The following NUP155 variants were observed in gnomAD, a reference collection of about 807,000 sequenced individuals.
NUP155 encodes nucleoporin 155, also known as nuclear pore complex protein Nup155.
In NUP155, 71 loss-of-function variants were observed where a neutral mutation model predicts 180.4. The observed-to-expected ratio is 0.39, with a 90% CI of 0.33 to 0.48. The LOEUF is 0.48. Among genes scored for constraint, NUP155 ranks in the 20% least tolerant of loss-of-function variants. The pLI, the probability that NUP155 is intolerant of heterozygous loss-of-function variation, is 0.91. For synonymous variants in NUP155, 582 were observed against 559.5 expected (o/e 1.04, Z -0.57); for missense variants, 1,553 against 1,648.9 (o/e 0.94, Z 1.01).
chr5:37,340,978 A>G, intron 11 of NUP155, 112 bp downstream of exon 11: 1 of 894,712 alleles, frequency 1.1e-6, no homozygotes, highest in Non-Finnish European at 1.8e-6. Flanking sequence ...CCCTTCTAGT[A>G]GTTCCCAGTT....
chr5:37,295,990 C>T (rs1308735646), intron 32 of NUP155, among the ~76,000 whole-genome samples: 7 of 140,982 alleles, frequency 5.0e-5, no homozygotes, highest in Non-Finnish European at 7.8e-5. Context: ...GCCGCCCCAT[C>T]CGGGAGGGAG....
intron 3 of NUP155, among the ~76,000 whole-genome samples, chr5:37,363,122 G>T (rs543922096): frequency 1.8e-4 from 28 of 152,250 alleles, no homozygotes; most frequent in Middle Eastern, 3.4e-3. Flanking sequence ...ATGTTGGCCA[G>T]GCTGGTCTCG....
At chr5:37,336,297 A>C (rs1202901880) in intron 12 of NUP155, among the ~76,000 whole-genome samples, 1 of 152,120 alleles carries the variant, frequency 6.6e-6, no homozygotes, top group African/African-American at 2.4e-5. Flanking sequence ...TCTGGGCAAT[A>C]TAGTCAGACC....
intron 9 of NUP155, among the ~76,000 whole-genome samples, chr5:37,346,391 G>A (rs896142110): frequency 2.6e-5 from 4 of 152,210 alleles, no homozygotes; most frequent in African/African-American, 7.2e-5. Flanking sequence ...GTGTTTGCAG[G>A]TGGGGTGCAG....
chr5:37,321,508 A>G (rs938908983), intron 20 of NUP155, among the ~76,000 whole-genome samples: 3 of 152,044 alleles, frequency 2.0e-5, no homozygotes, highest in Non-Finnish European at 4.4e-5. Context: ...CACGAAGTCA[A>G]GAGATCGAGA....
chr5:37,299,572 T>G lies in NUP155; in HGVS notation c.3562-4A>C. Reference sequence around the variant, plus strand: ...GGTCAGCAAATTCCCCATAAAGCTGTGAGAGAAAATCCCAAAATTAACATC... The same window carrying G: ...GGTCAGCAAATTCCCCATAAAGCTGGGAGAGAAAATCCCAAAATTAACATC... On this transcript the variant is annotated splice_polypyrimidine_tract_variant and splice_region_variant and intron_variant, in intron 30 of 34. Coordinates refer to ENST00000231498, the MANE Select transcript of NUP155 (RefSeq NM_153485.3). 6.2e-7 allele frequency: 1 copy of G among 1,613,912 alleles called. No individual in the cohort carries two copies. Among genetic ancestry groups the G allele is most frequent in the South Asian group, 1.1e-5 (1 of 91,078 alleles).
chr5:37,294,025 A>AAAAT (rs1561762492), intron 33 of NUP155, among the ~76,000 whole-genome samples: 5 of 76,040 alleles, frequency 6.6e-5, no homozygotes, highest in East Asian at 5.2e-4. Flanking sequence ...AAAAAAAAAA[A>AAAAT]AAATAAAGCA....
Position 37,352,755 on chromosome 5 carries a change from A to C in NUP155, c.538T>G (p.Tyr180Asp). 1 of 1,613,202 alleles carries C rather than the reference A, an allele frequency of 6.2e-7. No individual in the cohort carries two copies. The highest frequency in any genetic ancestry group is 2.2e-5 in the East Asian group (1 of 44,864). ...PVDIVILGLSYANLQTGSGVL... is the reference protein window; with the variant it reads ...PVDIVILGLSDANLQTGSGVL... ...GCCATACCTGTTTGCAAATTAGCAT[A>C]GCTGAGTCCAAGAATTACTATGTCT... is the stretch of plus-strand genomic sequence containing the variant. The change falls in exon 5 of 35, where the codon TAT becomes GAT. Residue 180 changes from tyrosine (Y) to aspartate (D), a missense_variant. Transcript: ENST00000231498.
intron 9 of NUP155, 88 bp from the exon 10 acceptor site, chr5:37,342,734 C>T: frequency 1.1e-6 from 1 of 944,574 alleles, no homozygotes; most frequent in Non-Finnish European, 1.7e-6. Context: ...TTACATATTT[C>T]CATATTTTCC....
Position 37,333,614 on chromosome 5 carries a change from C to T in NUP155, c.1367G>A (p.Gly456Asp). The T allele has an allele frequency of 6.2e-7, 1 of 1,613,340 alleles. No individual in the cohort carries two copies. Among genetic ancestry groups the T allele is most frequent in the Non-Finnish European group, 8.5e-7 (1 of 1,179,520 alleles). The change falls in exon 13 of 35, where the codon GGT becomes GAT. Residue 456 changes from glycine (G) to aspartate (D), a missense_variant. Physicochemically the swap from Gly to Asp is moderately conservative, Grantham distance 94 (BLOSUM62 -1). Coordinates refer to ENST00000231498, the MANE Select transcript of NUP155 (RefSeq NM_153485.3). The stretch of plus-strand genomic sequence containing the variant: ...TATCGCAGAAAGAGCCCAGGAATGA[C>T]CATCAACACCAGCTGTCATCTATGT... ...METQMTAGVD[G>D]HSWALSAIDE...
At chr5:37,344,460 T>G (rs1292743632) in intron 9 of NUP155, among the ~76,000 whole-genome samples, 2 of 149,732 alleles carry the variant, frequency 1.3e-5, no homozygotes, top group Non-Finnish European at 3.0e-5. Flanking sequence ...GAAATTTGTA[T>G]AATTATCCTG....
intron 1 of NUP155, among the ~76,000 whole-genome samples, chr5:37,368,209 CTTTTTTTTTTTT>C (rs58198308): frequency 9.5e-5 from 5 of 52,824 alleles, no homozygotes; most frequent in Admixed American, 3.0e-4. Flanking sequence ...AGCGCCAGGC[CTTTTTTTTTTTT>C]TTTTTTTTTT....
Position 37,358,074 on chromosome 5 carries a change from T to C in NUP155, c.463+7A>G, listed in dbSNP as rs761825810. 6.3e-7 allele frequency: 1 copy of C among 1,597,106 alleles called. No homozygotes were observed. The highest frequency in any genetic ancestry group is 2.2e-5 in the East Asian group (1 of 44,786). ...CATAATCTCTTCCTTATAGTTTTAT[T>C]TCTTACCTGCTTTTGGCTTCACAAG... On this transcript the variant is annotated splice_region_variant and intron_variant, in intron 4 of 34. Coordinates refer to ENST00000231498, the MANE Select transcript of NUP155 (RefSeq NM_153485.3).
At chr5:37,337,217 T>C (rs1362809271) in intron 12 of NUP155, among the ~76,000 whole-genome samples, 2 of 152,196 alleles carry the variant, frequency 1.3e-5, no homozygotes, top group Non-Finnish European at 2.9e-5. Flanking sequence ...TCATGATGTA[T>C]GTGGTGATTT....
chr5:37,344,718 A>C (rs1450364670), intron 9 of NUP155, among the ~76,000 whole-genome samples: 2 of 152,018 alleles, frequency 1.3e-5, no homozygotes, highest in Non-Finnish European at 2.9e-5. Flanking sequence ...CTAAAAATAC[A>C]AAAATTACCC....
chr5:37,334,430 G>C (rs1336038387), intron 12 of NUP155, among the ~76,000 whole-genome samples: 1 of 151,792 alleles, frequency 6.6e-6, no homozygotes, highest in East Asian at 1.9e-4. Context: ...GCCAAGGCTG[G>C]AGTGCAGTGG....
chr5:37,355,953 G>A (rs554982901), intron 4 of NUP155, among the ~76,000 whole-genome samples: 1 of 151,736 alleles, frequency 6.6e-6, no homozygotes, highest in South Asian at 2.1e-4. Flanking sequence ...ATTATGCTGG[G>A]CATGGTGGCT....
chr5:37,294,563 T>C, intron 32 of NUP155, 98 bp from the exon 33 acceptor site: 3 of 1,244,826 alleles, frequency 2.4e-6, no homozygotes, highest in Non-Finnish European at 3.5e-6. Context: ...GGGGATATCT[T>C]CTGAAATCCA....
At chr5:37,308,427 G>A (rs753754944) in intron 24 of NUP155, among the ~76,000 whole-genome samples, 4 of 151,866 alleles carry the variant, frequency 2.6e-5, no homozygotes, top group Non-Finnish European at 4.4e-5. Flanking sequence ...GGCCGGGCGC[G>A]GTGGCTCACA....
Sources: gnomAD v4.1 joint callset for allele counts (sites outside exome capture counted in the v4.1 genomes callset) on GRCh38, gnomAD v4.1.1 for gene constraint, MANE v1.5 for transcripts, NCBI Gene and HGNC (gene_info 2026-07-23, HGNC 2026-07-21) for gene names.